FGF14: variants seen among roughly 807,000 people sequenced by gnomAD.
The protein encoded by FGF14 is fibroblast growth factor 14.
In FGF14, 5 loss-of-function variants were observed where a neutral mutation model predicts 25.5. The ratio of observed to expected loss-of-function variants is 0.20; its 90% confidence interval spans 0.10 to 0.41. The LOEUF is 0.41. Among genes scored for constraint, FGF14 ranks in the 10% least tolerant of loss-of-function variants. The probability of loss-of-function intolerance (pLI) is 1.00; values close to 1 mark genes in which losing one functional copy is unlikely to be tolerated. For synonymous variants in FGF14, 138 were observed against 118.3 expected, an observed-to-expected ratio of 1.17 and a Z score of -1.08; for missense variants, 222 against 320.1, an observed-to-expected ratio of 0.69 and a Z score of 2.34.
At chr13:102,371,418 T>C (rs911334973) in intron 1 of FGF14, among the ~76,000 whole-genome samples, 12 of 152,092 alleles carry the variant, frequency 7.9e-5, no homozygotes, top group Non-Finnish European at 1.3e-4. Context: ...CTGCCTAAAA[T>C]AGCCTTATTC....
chr13:102,176,553 T>C (rs151061158), intron 1 of FGF14, among the ~76,000 whole-genome samples: 1 of 152,282 alleles, frequency 6.6e-6, no homozygotes, highest in Non-Finnish European at 1.5e-5. Flanking sequence ...CCTACACATA[T>C]ACCCACTTAA....
intron 1 of FGF14, among the ~76,000 whole-genome samples, chr13:102,362,988 GA>G (rs1179322382): frequency 2.0e-5 from 3 of 151,920 alleles, no homozygotes; most frequent in East Asian, 1.9e-4. Flanking sequence ...CTTTCTATAG[GA>G]AAAAAACTCA....
intron 1 of FGF14, among the ~76,000 whole-genome samples, chr13:101,922,049 C>T (rs2139174804): frequency 6.6e-6 from 1 of 152,216 alleles, no homozygotes; most frequent in African/African-American, 2.4e-5. Flanking sequence ...TGTTTACTGC[C>T]ACATATCCAG....
At chr13:101,883,452 C>T (rs1272902553) in intron 1 of FGF14, among the ~76,000 whole-genome samples, 1 of 152,128 alleles carries the variant, frequency 6.6e-6, no homozygotes, top group East Asian at 1.9e-4. Context: ...CTTTAGGAGG[C>T]ATTTACTGTG....
At position 102,137,672 on chromosome 13, in the gene FGF14, CTT is replaced by C. The variant is rs551761556; in HGVS notation, c.209-262378_209-262377del. 5.9e-4 allele frequency among the ~76,000 whole-genome samples: 89 copies of C among 152,088 alleles called. 1 individual carries two copies. Among genetic ancestry groups the C allele is most frequent in the Non-Finnish European group, 8.7e-4 (59 of 68,020 alleles). On this transcript the variant is annotated intron_variant, in intron 1 of 4. Coordinates refer to the FGF14 transcript ENST00000376131. ...ACTCCTCATTTTACTCTCAAAATGT[CTT>C]TGTTTGAATGAATTGTAGTCATGAC...
chr13:102,246,508 A>G (rs2051877390), intron 1 of FGF14, among the ~76,000 whole-genome samples: 1 of 152,060 alleles, frequency 6.6e-6, no homozygotes. Flanking sequence ...GAGAAGGCAA[A>G]GCAAATTTCA....
At chr13:102,009,727 A>G (rs1165633913) in intron 1 of FGF14, among the ~76,000 whole-genome samples, 2 of 152,194 alleles carry the variant, frequency 1.3e-5, no homozygotes, top group African/African-American at 4.8e-5. Flanking sequence ...ACTAATTTTA[A>G]TAAGAGACTC....
intron 1 of FGF14, among the ~76,000 whole-genome samples, chr13:102,128,302 A>T (rs565773303): frequency 6.6e-6 from 1 of 152,276 alleles, no homozygotes; most frequent in South Asian, 2.1e-4. Flanking sequence ...TTTTATCATT[A>T]ACACTATCTC....
At chr13:101,888,346 G>A (rs975659886) in intron 1 of FGF14, among the ~76,000 whole-genome samples, 1 of 152,100 alleles carries the variant, frequency 6.6e-6, no homozygotes, top group Non-Finnish European at 1.5e-5. Context: ...AAAAGTACTG[G>A]ACTGTATTTC....
At chr13:102,129,947 A>G (rs1193084902) in intron 1 of FGF14, among the ~76,000 whole-genome samples, 1 of 152,212 alleles carries the variant, frequency 6.6e-6, no homozygotes, top group South Asian at 2.1e-4. Flanking sequence ...AGAGTGTTAC[A>G]TTAGTTTCCT....
chr13:102,201,325 A>G (rs2049637630), intron 1 of FGF14, among the ~76,000 whole-genome samples: 1 of 152,082 alleles, frequency 6.6e-6, no homozygotes, highest in Non-Finnish European at 1.5e-5. Context: ...GAGAATAACA[A>G]AGGTGCCAAG....
At chr13:101,820,796 AC>A (rs2042093520) in intron 3 of FGF14, among the ~76,000 whole-genome samples, 2 of 124,658 alleles carry the variant, frequency 1.6e-5, no homozygotes, top group African/African-American at 6.1e-5. Flanking sequence ...ACACACACAC[AC>A]ACACACACAA....
chr13:101,991,292 G>T (rs1427113300), intron 1 of FGF14, among the ~76,000 whole-genome samples: 3 of 151,870 alleles, frequency 2.0e-5, no homozygotes, highest in East Asian at 1.9e-4. Context: ...ATCACCAAAG[G>T]ATGTCTCTTC....
intron 1 of FGF14, among the ~76,000 whole-genome samples, chr13:102,129,235 G>A (rs1481119552): frequency 1.3e-5 from 2 of 151,870 alleles, no homozygotes; most frequent in African/African-American, 2.4e-5. Flanking sequence ...GAGTGACAGA[G>A]TGAGACTCCA....
At chr13:102,295,571 TTC>T (rs2054663350) in intron 1 of FGF14, among the ~76,000 whole-genome samples, 1 of 152,134 alleles carries the variant, frequency 6.6e-6, no homozygotes, top group Non-Finnish European at 1.5e-5. Context: ...GGCATAATTA[TTC>T]CCTCATTCTC....
chr13:102,309,471 C>T (rs1241955907), intron 1 of FGF14, among the ~76,000 whole-genome samples: 1 of 152,106 alleles, frequency 6.6e-6, no homozygotes, highest in African/African-American at 2.4e-5. Flanking sequence ...CAGAGTACCA[C>T]AGAGCAAATG....
chr13:101,878,405 A>C (rs2045516704), intron 1 of FGF14, among the ~76,000 whole-genome samples: 1 of 152,174 alleles, frequency 6.6e-6, no homozygotes, highest in South Asian at 2.1e-4. Flanking sequence ...TCCTTTGGAC[A>C]ATTTTATGGT....
chr13:101,904,621 A>C (rs1200204215), intron 1 of FGF14, among the ~76,000 whole-genome samples: 3 of 152,254 alleles, frequency 2.0e-5, no homozygotes, highest in Admixed American at 6.5e-5. Flanking sequence ...GGGCAAAAGC[A>C]AAACTCACAA....
chr13:101,816,965 C>G (rs1353269550), intron 3 of FGF14, among the ~76,000 whole-genome samples: 1 of 152,112 alleles, frequency 6.6e-6, no homozygotes, highest in Non-Finnish European at 1.5e-5. Context: ...TTATTCATTT[C>G]AGGCAGGTTT....
Sources: gnomAD v4.1 joint callset for allele counts (sites outside exome capture counted in the v4.1 genomes callset) on GRCh38, gnomAD v4.1.1 for gene constraint, MANE v1.5 for transcripts, NCBI Gene and HGNC (gene_info 2026-07-23, HGNC 2026-07-21) for gene names.